Variants in PRKDC observed in about 807,000 individuals in gnomAD.
PRKDC encodes the protein DNA-dependent protein kinase catalytic subunit.
In PRKDC, 82 loss-of-function variants were observed where a neutral mutation model predicts 486.9. That is an observed-to-expected ratio of 0.17 (90% CI 0.14 to 0.20). PRKDC has a LOEUF of 0.20. PRKDC is among the 10% of genes least tolerant of loss of function. The pLI is 1.00. For missense variants in PRKDC, 4,504 were observed against 5,038.2 expected (o/e 0.89, Z 3.21); for synonymous variants, 1,895 against 1,837.0 (o/e 1.03, Z -0.81).
At chr8:47,948,609 G>A (rs971821380) in intron 7 of PRKDC, among the ~76,000 whole-genome samples, 7 of 151,816 alleles carry the variant, frequency 4.6e-5, no homozygotes, top group African/African-American at 1.5e-4. Context: ...ACAGGCATGC[G>A]CCACCACGCC....
intron 61 of PRKDC, among the ~76,000 whole-genome samples, chr8:47,829,200 T>C (rs1317874698): frequency 6.6e-6 from 1 of 152,256 alleles, no homozygotes; most frequent in Non-Finnish European, 1.5e-5. Context: ...CACGTTTGCC[T>C]CTGAAGGAGG....
At chr8:47,822,987 C>G (rs1006428095) in intron 64 of PRKDC, among the ~76,000 whole-genome samples, 1 of 152,042 alleles carries the variant, frequency 6.6e-6, no homozygotes, top group East Asian at 1.9e-4. Flanking sequence ...AAATGTAATC[C>G]TCAATGTCAG....
intron 74 of PRKDC, among the ~76,000 whole-genome samples, chr8:47,793,981 T>C (rs1214911788): frequency 6.6e-6 from 1 of 152,218 alleles, no homozygotes; most frequent in Non-Finnish European, 1.5e-5. Flanking sequence ...GTTCTGTGTA[T>C]TTTAAATTAC....
intron 42 of PRKDC, among the ~76,000 whole-genome samples, chr8:47,863,094 T>G (rs1255621700): frequency 6.6e-6 from 1 of 152,242 alleles, no homozygotes; most frequent in African/African-American, 2.4e-5. Flanking sequence ...CTAAATCTTT[T>G]GTTACTGAAA....
At chr8:47,942,809 A>G (rs540709328) in intron 10 of PRKDC, among the ~76,000 whole-genome samples, 1 of 152,320 alleles carries the variant, frequency 6.6e-6, no homozygotes, top group African/African-American at 2.4e-5. Context: ...AAAATCCACA[A>G]TGGCAAAGAG....
intron 54 of PRKDC, among the ~76,000 whole-genome samples, chr8:47,848,513 GA>G (rs1191247723): frequency 6.6e-6 from 1 of 152,066 alleles, no homozygotes. Flanking sequence ...GGCAAGAGTT[GA>G]AAAACTAACT....
intron 68 of PRKDC, 57 bp downstream of exon 68, chr8:47,817,393 C>T (rs1437454724): frequency 8.1e-7 from 1 of 1,237,102 alleles, no homozygotes; most frequent in South Asian, 1.4e-5. Flanking sequence ...GGAAGAAAAA[C>T]CATTCCAACA....
Position 47,773,192 on chromosome 8 carries a change from G to GAA in PRKDC, c.*979_*980dup, listed in dbSNP as rs934018802. ...AGCCTCCAAATACAAGTGTTAGAAG[G>GAA]AAAAAAAAAAACAACAAAAAGCTAA... On this transcript the variant is annotated 3_prime_UTR_variant, in exon 86 of 86. Transcript: ENST00000314191. The GAA allele has an allele frequency of 1.9e-4, 36 of 189,016 alleles. No individual in the cohort carries two copies. Among genetic ancestry groups the GAA allele is most frequent in the Middle Eastern group, 9.4e-4 (2 of 2,128 alleles). 11.7% of individuals were successfully genotyped at this position (189,016 alleles called of 1,614,324 possible). A position where few individuals can be genotyped will look rare whatever the true frequency, so the allele number is the denominator to read the frequency against.
At chr8:47,785,825 A>G (rs1421271774) in intron 76 of PRKDC, among the ~76,000 whole-genome samples, 3 of 151,676 alleles carry the variant, frequency 2.0e-5, no homozygotes, top group East Asian at 2.0e-4. Context: ...GTGTTCCATT[A>G]TAAGTGACAC....
intron 66 of PRKDC, among the ~76,000 whole-genome samples, chr8:47,820,385 AAAC>A (rs2087561043): frequency 2.6e-5 from 4 of 152,110 alleles, no homozygotes; most frequent in Admixed American, 6.5e-5. Context: ...CTCAAAAAAC[AAAC>A]AAACAAACAA....
chr8:47,775,523 C>G (rs536885652), intron 85 of PRKDC, among the ~76,000 whole-genome samples: 98 of 151,474 alleles, frequency 6.5e-4, no homozygotes, highest in African/African-American at 2.3e-3. Context: ...AGGTGTGAGC[C>G]ACTGCGCCCA....
chr8:47,930,876 G>T, intron 16 of PRKDC, 89 bp from the exon 17 acceptor site: 1 of 1,241,240 alleles, frequency 8.1e-7, no homozygotes, highest in Non-Finnish European at 1.1e-6. Context: ...CATGGTCAAG[G>T]CCTGATGCTA....
chr8:47,908,667 T>C (rs552734172), intron 25 of PRKDC, among the ~76,000 whole-genome samples: 2 of 152,324 alleles, frequency 1.3e-5, no homozygotes, highest in African/African-American at 4.8e-5. Flanking sequence ...CTCCAGACTT[T>C]ACAGAGGATC....
Position 47,919,561 on chromosome 8 carries a change from G to A in PRKDC, c.2420-1178C>T, listed in dbSNP as rs539396836. Among the ~76,000 whole-genome samples the A allele has an allele frequency of 1.3e-3, 203 of 152,262 alleles. 2 individuals carry two copies. The highest frequency in any genetic ancestry group is 4.7e-3 in the African/African-American group (195 of 41,540). ...GCTGCGCCGCGGGAGGGCACCTGCC[G>A]GTGGTTTAACTCCAGCAAGTCTTCT... On this transcript the variant is annotated intron_variant, in intron 21 of 85. Coordinates refer to ENST00000314191, the MANE Select transcript of PRKDC (RefSeq NM_006904.7).
chr8:47,903,589 A>AG (rs1217129036), intron 26 of PRKDC, among the ~76,000 whole-genome samples: 1 of 152,202 alleles, frequency 6.6e-6, no homozygotes, highest in East Asian at 1.9e-4. Context: ...GTGGTGATGC[A>AG]GGGAAGAGCA....
chr8:47,900,322 G>T, intron 28 of PRKDC, 51 bp downstream of exon 28: 2 of 1,348,018 alleles, frequency 1.5e-6, no homozygotes, highest in East Asian at 2.6e-5. Flanking sequence ...CTCCTCATTG[G>T]GGAAACTCTT....
rs56182356 is a variant in PRKDC at position 47,882,018 on chromosome 8, G to T, written c.4856C>A (p.Ala1619Glu). The change falls in exon 37 of 86, where the codon GCG becomes GAG. Residue 1619 changes from alanine to glutamate, a missense_variant. This residue lies in a region of PRKDC where 1,969 missense variants were observed against 2,068.9 expected (regional missense o/e 0.95). Transcript: ENST00000314191. Reference protein sequence around the residue: ...ANQKHQGLKLATTILQHWKKC... With the variant: ...ANQKHQGLKLETTILQHWKKC... ...CTTCCAGTGTTGCAGAATTGTAGTC[G>T]CAAGTTTCAGTCCTTGGTGTTTCTG... is the stretch of plus-strand genomic sequence containing the variant. 3.7e-6 allele frequency: 6 copies of T among 1,613,870 alleles called. No homozygotes were observed. In the African/African-American group the frequency reaches 6.7e-5, roughly 18 times the overall value.
chr8:47,884,625 C>T (rs1367319805), intron 36 of PRKDC, among the ~76,000 whole-genome samples: 3 of 152,128 alleles, frequency 2.0e-5, no homozygotes, highest in Non-Finnish European at 2.9e-5. Flanking sequence ...TCATCTACTA[C>T]GATTTTATTT....
At chr8:47,899,557 C>T (rs907638169) in intron 28 of PRKDC, among the ~76,000 whole-genome samples, 2 of 152,096 alleles carry the variant, frequency 1.3e-5, no homozygotes, top group African/African-American at 4.8e-5. Flanking sequence ...GCAGGAGAAT[C>T]GCTTGAACCC....
Sources: allele counts gnomAD v4.1 joint callset (sites outside exome capture counted in the v4.1 genomes callset), GRCh38; gene constraint gnomAD v4.1.1; regional missense constraint gnomAD v4.1.1; transcripts MANE v1.5; gene names NCBI Gene and HGNC (gene_info 2026-07-23, HGNC 2026-07-21).